The following NACA variants were observed in gnomAD, a reference collection of about 807,000 sequenced individuals.
NACA encodes the protein nascent polypeptide associated complex subunit alpha.
A neutral mutation model predicts 86.4 loss-of-function variants in NACA; 42 were observed. The ratio of observed to expected loss-of-function variants is 0.49; its 90% CI spans 0.38 to 0.63. The LOEUF (loss-of-function observed/expected upper bound fraction) is 0.63. Ranked by LOEUF, NACA falls within the 20% of genes least tolerant of loss-of-function variation. The pLI is 0.00. For missense variants in NACA, 2,157 were observed against 2,483.6 expected (o/e 0.87, Z 2.80); for synonymous variants, 898 against 973.7 (o/e 0.92, Z 1.45).
chr12:56,717,278 T>G lies in NACA; in HGVS notation c.4252A>C (p.Thr1418Pro). The G allele has an allele frequency of 7.5e-7, 1 of 1,325,308 alleles. No homozygotes were observed. Among genetic ancestry groups the G allele is most frequent in the South Asian group, 1.4e-5 (1 of 69,774 alleles). 82.1% of individuals were successfully genotyped at this position (1,325,308 alleles called of 1,614,324 possible). ...GCTGCGCCTTCTCTGGTGACTGGAG[T>G]TGCTGGAGCCTTTTTGGGGGAGAGA... ...IPLSPKKAPA[T>P]PVTREGAATP... Residue 1418 changes from threonine (T) to proline (P), a missense_variant, in exon 3 of 9, where the codon ACT becomes CCT. Coordinates refer to ENST00000454682, the MANE Select transcript of NACA (RefSeq NM_001365896.1).
chr12:56,722,194 C>A (rs1953592115), intron 2 of NACA, among the ~76,000 whole-genome samples: 2 of 152,052 alleles, frequency 1.3e-5, no homozygotes, highest in African/African-American at 4.8e-5. Context: ...CTCACAAAAC[C>A]CAAACAAGAA....
In NACA at chr12:56,720,752, T is replaced by G. The variant is rs771458748; in HGVS notation, c.778A>C (p.Asn260His). ...TISSVLISPQ[N>H]PGSLSLKGPV... ...CCCTTCAGGCTGAGGCTTCCTGGGT[T>G]TTGTGGAGAAATCAGAACTGAGGAA... Residue 260 changes from asparagine to histidine, a missense_variant, in exon 3 of 9, where the codon AAC (asparagine) becomes CAC (histidine). Asn to His is a moderately conservative substitution (Grantham distance 68, BLOSUM62 1). This residue lies in a region of NACA where 947 missense variants were observed against 917.9 expected (regional missense o/e 1.03). Transcript: ENST00000454682. 4 of 1,613,842 alleles carry G rather than the reference T, an allele frequency of 2.5e-6. No homozygotes were observed. The South Asian group carries it at 4.4e-5, about 18-fold the overall frequency.
chr12:56,713,064 C>G lies in NACA; in HGVS notation c.6097G>C (p.Glu2033Gln). 3 of 1,613,990 alleles carry G rather than the reference C, an allele frequency of 1.9e-6. No homozygotes were observed. The South Asian group carries it at 3.3e-5, about 18-fold the overall frequency. ...PTVQEESEEEEVDETGVEVKD... is the reference protein window; with the variant it reads ...PTVQEESEEEQVDETGVEVKD... ...TTATGAAAGATTTCCTAGTATACCT[C>G]TTCCTCTTCACTCTCCTCTTGTACA... The change falls in exon 7 of 9, where the codon GAG (glutamate) becomes CAG (glutamine). Residue 2033 changes from glutamate to glutamine, a missense_variant and splice_region_variant. Transcript: ENST00000454682.
Position 56,719,871 on chromosome 12 carries a change from G to C in NACA, c.1659C>G (p.Thr553=). ...PFSPAQAGLT[T]KKDPTVLPLV... is the part of the protein sequence containing the mutation. ...ACGGTAATACAGTAGGGTCTTTCTT[G>C]GTGGTGAGTCCTGCTTGGGCTGGAG... Residue 553 remains threonine (T), a synonymous_variant, in exon 3 of 9, where the codon ACC becomes ACG. Transcript: ENST00000454682. The C allele has an allele frequency of 6.2e-7, 1 of 1,613,934 alleles. No homozygotes were observed. Among genetic ancestry groups the C allele is most frequent in the Non-Finnish European group, 8.5e-7 (1 of 1,179,876 alleles).
intron 8 of NACA, 61 bp downstream of exon 8, chr12:56,712,720 CAAAAT>C: frequency 6.2e-7 from 1 of 1,608,800 alleles, no homozygotes; most frequent in South Asian, 1.1e-5. Flanking sequence ...TTTAGCAAGA[CAAAAT>C]AAAGTCACTC....
chr12:56,714,367 G>A lies in NACA; in HGVS notation c.5818C>T (p.Arg1940Trp), dbSNP rs1953292063. The A allele has an allele frequency of 1.9e-6, 3 of 1,613,970 alleles. No homozygotes were observed. The highest frequency in any genetic ancestry group is 2.5e-6 in the Non-Finnish European group (3 of 1,179,892). The change falls in exon 5 of 9, where the codon CGG becomes TGG. Residue 1940 changes from arginine to tryptophan, a missense_variant. Physicochemically the swap from Arg to Trp is moderately radical, Grantham distance 101. This residue lies in a region of NACA where 81 missense variants were observed against 200.6 expected (regional missense o/e 0.40). Transcript: ENST00000454682. ...AAATCCTTTTCAAATCTTACCTTCC[G>A]TGCCTTCTTTTCACTCCGACTCTGT... ...AKQSRSEKKA[R>W]KAMSKLGLRQ...
chr12:56,720,233 CG>C lies in NACA; in HGVS notation c.1296del (p.Val433PhefsTer11). 6.2e-7 allele frequency: 1 copy of C among 1,613,836 alleles called. No homozygotes were observed. Among genetic ancestry groups the C allele is most frequent in the Non-Finnish European group, 8.5e-7 (1 of 1,179,856 alleles). ...AGTGGGGTGGTTCCAACAGAAGAAA[CG>C]GGCATTTGGGCCACTAAAGGATAAT... ...TYHYPLVAQM[P>X]VSSVGTTPLV... On this transcript the variant is annotated frameshift_variant, in exon 3 of 9. Coordinates refer to ENST00000454682, the MANE Select transcript of NACA (RefSeq NM_001365896.1). LOFTEE classifies it high-confidence loss of function.
At position 56,713,152 on chromosome 12, in the gene NACA, A is replaced by G. The variant is rs1953261796; in HGVS notation, c.6009T>C (p.Ala2003=). 3.7e-6 allele frequency: 6 copies of G among 1,614,144 alleles called. No individual in the cohort carries two copies. The highest frequency in any genetic ancestry group is 5.1e-6 in the Non-Finnish European group (6 of 1,180,012). Residue 2003 remains alanine (A), a synonymous_variant, in exon 7 of 9, where the codon GCT becomes GCC. Transcript: ENST00000454682. The part of the protein sequence containing the change: ...DLSQQAQLAA[A]EKFKVQGEAV... ...CTTCACCTTGAACTTTGAATTTCTC[A>G]GCAGCTGCTAGTTGTGCTTGCTGGG... is the stretch of plus-strand genomic sequence containing the variant.
intron 8 of NACA, 39 bp downstream of exon 8, chr12:56,712,747 G>C (rs768875387): frequency 6.2e-7 from 1 of 1,613,944 alleles, no homozygotes; most frequent in Non-Finnish European, 8.5e-7. Context: ...TAATTGGTCA[G>C]GGCAGAGGGA....
intron 2 of NACA, among the ~76,000 whole-genome samples, chr12:56,723,984 G>A (rs2137838373): frequency 6.6e-6 from 1 of 152,326 alleles, no homozygotes; most frequent in East Asian, 1.9e-4. Flanking sequence ...CTGGGGCCCA[G>A]TAGGACACAT....
chr12:56,713,221 G>GT (rs1263313968), intron 6 of NACA, 31 bp from the exon 7 acceptor site: 1 of 1,610,040 alleles, frequency 6.2e-7, no homozygotes, highest in East Asian at 2.2e-5. Context: ...ATCCATGTGA[G>GT]TAGATTAGCA....
rs1172699259 is a variant in NACA, at chr12:56,714,418, C to T, written c.5767G>A (p.Asp1923Asn). The part of the protein sequence containing the change: ...QAQLAAAAEI[D>N]EEPVSKAKQS... Reference sequence around the variant, plus strand: ...TTTGCTTTACTGACTGGTTCTTCATCAATTTCAGCTGCTGCCGCCAGCTAA... The same window carrying T: ...TTTGCTTTACTGACTGGTTCTTCATTAATTTCAGCTGCTGCCGCCAGCTAA... Residue 1923 changes from aspartate (D) to asparagine (N), a missense_variant, in exon 5 of 9, where the codon GAT (aspartate) becomes AAT (asparagine). By Grantham distance (23) the Asp-to-Asn change is conservative. Coordinates refer to ENST00000454682, the MANE Select transcript of NACA (RefSeq NM_001365896.1). The T allele has an allele frequency of 3.7e-6, 6 of 1,614,054 alleles. No homozygotes were observed. The highest frequency in any genetic ancestry group is 2.2e-5 in the South Asian group (2 of 91,088).
intron 6 of NACA, 130 bp from the exon 7 acceptor site, chr12:56,713,320 C>G: frequency 7.7e-7 from 1 of 1,300,776 alleles, no homozygotes; most frequent in Non-Finnish European, 1.1e-6. Flanking sequence ...CTTGCCCTCA[C>G]AGTAGAAAGA....
Position 56,718,577 on chromosome 12 carries a change from C to T in NACA, c.2953G>A (p.Ala985Thr), listed in dbSNP as rs1427657284. 5 of 1,279,998 alleles carry T rather than the reference C, an allele frequency of 3.9e-6. No homozygotes were observed. The highest frequency in any genetic ancestry group is 4.0e-6 in the Non-Finnish European group (4 of 996,632). The allele number at this position is 1,279,998 out of a possible 1,614,324, so 79.3% of individuals were successfully genotyped here. A position where few individuals can be genotyped will look rare whatever the true frequency, so the allele number is the denominator to read the frequency against. ...GGAGTTGCAGCTGGGGGTGTGGGGG[C>T]CCCTTTGGGGGATGGAGTAGCTGGA... The part of the protein sequence containing the change: ...GGPATPSPKG[A>T]PTPPAATPPS... The change falls in exon 3 of 9, where the codon GCC becomes ACC. Residue 985 changes from alanine to threonine, a missense_variant. Physicochemically the swap from Ala to Thr is moderately conservative, Grantham distance 58. Transcript: ENST00000454682.
rs780781848 is a variant in NACA at position 56,719,328 on chromosome 12, C to A, written c.2202G>T (p.Val734=). The part of the protein sequence containing the change: ...LVLAPEIPKS[V]PSPSLPPAGT... ...CAGCTGGGGGAAGAGAGGGTGAGGG[C>A]ACAGACTTTGGGATTTCAGGGGCCA... The change falls in exon 3 of 9, where the codon GTG becomes GTT. Residue 734 remains valine, a synonymous_variant. Coordinates refer to ENST00000454682, the MANE Select transcript of NACA (RefSeq NM_001365896.1). The A allele has an allele frequency of 1.0e-5, 16 of 1,606,004 alleles. No homozygotes were observed. The highest frequency in any genetic ancestry group is 1.3e-5 in the African/African-American group (1 of 74,794).
Position 56,719,703 on chromosome 12 carries a change from G to A in NACA, c.1827C>T (p.Thr609=), listed in dbSNP as rs1267821296. ...LPIGKPASSM[T]SPLGVNSSAS... is the part of the protein sequence containing the mutation. ...CCGAGGAGTTAACACCCAGAGGGGA[G>A]GTCATACTGCTGGCTGGCTTACCTA... Residue 609 remains threonine, a synonymous_variant, in exon 3 of 9, where the codon ACC becomes ACT. Transcript: ENST00000454682. 3.1e-6 allele frequency: 5 copies of A among 1,613,814 alleles called. No individual in the cohort carries two copies. The highest frequency in any genetic ancestry group is 1.3e-5 in the African/African-American group (1 of 74,918).
rs1953357802 is a variant in NACA, at chr12:56,716,261, A to G, written c.5269T>C (p.Ser1757Pro). ...KTAKGKDASH[S>P]PKGPLAPPES... is the part of the protein sequence containing the mutation. ...GGAGGAGCCAAGGGGCCCTTTGGGGAATGAGAAGCATCTTTGCCTTTTGCT... is the reference window on the plus strand; with the variant it reads ...GGAGGAGCCAAGGGGCCCTTTGGGGGATGAGAAGCATCTTTGCCTTTTGCT... Residue 1757 changes from serine to proline, a missense_variant, in exon 3 of 9, where the codon TCC becomes CCC. Physicochemically the swap from Ser to Pro is moderately conservative, Grantham distance 74 (BLOSUM62 -1). Around this residue, in one of 8 missense-constraint regions of NACA, gnomAD observed 797 missense variants for 777.6 expected, o/e 1.02. Transcript: ENST00000454682. 6.2e-7 allele frequency: 1 copy of G among 1,613,478 alleles called. No homozygotes were observed. The highest frequency in any genetic ancestry group is 8.5e-7 in the Non-Finnish European group (1 of 1,179,854).
At position 56,720,401 on chromosome 12, in the gene NACA, C is replaced by T. The variant is rs1953538906; in HGVS notation, c.1129G>A (p.Val377Met). The T allele has an allele frequency of 6.2e-6, 10 of 1,613,818 alleles. No individual in the cohort carries two copies. The highest frequency in any genetic ancestry group is 8.5e-6 in the Non-Finnish European group (10 of 1,179,842). ...GGACCTTTGTCAACAGATGGAGCCA[C>T]CACTGGAAAGGCAGCCACAGTAGCA... Reference protein sequence around the residue: ...VPATVAAFPVVAPSVDKGPST... With the variant: ...VPATVAAFPVMAPSVDKGPST... Residue 377 changes from valine to methionine, a missense_variant, in exon 3 of 9, where the codon GTG (valine) becomes ATG (methionine). Transcript: ENST00000454682.
chr12:56,715,244 A>G (rs11614141), intron 3 of NACA, among the ~76,000 whole-genome samples: 4,052 of 152,318 alleles, frequency 0.027, 79 homozygotes, highest in Middle Eastern at 0.051. Flanking sequence ...TATAATTAGA[A>G]GATTCTCAAT....
Sources: allele counts gnomAD v4.1 joint callset (sites outside exome capture counted in the v4.1 genomes callset), GRCh38; gene constraint gnomAD v4.1.1; regional missense constraint gnomAD v4.1.1; transcripts MANE v1.5; gene names NCBI Gene and HGNC (gene_info 2026-07-23, HGNC 2026-07-21).